PRKAR1B: variants seen among roughly 807,000 people sequenced by gnomAD.
The protein encoded by PRKAR1B is cAMP-dependent protein kinase type I-beta regulatory subunit.
Under a neutral mutation model 46.5 loss-of-function variants are expected in PRKAR1B, and 22 were observed. The observed-to-expected ratio is 0.47, with a 90% confidence interval of 0.34 to 0.68. The LOEUF is 0.68. PRKAR1B is among the 30% of genes least tolerant of loss of function. PRKAR1B has a pLI of 0.01. For synonymous variants in PRKAR1B, 259 were observed against 217.7 expected, an observed-to-expected ratio of 1.19 and a Z score of -1.67; for missense variants, 445 against 535.6, an observed-to-expected ratio of 0.83 and a Z score of 1.67.
At chr7:606,081 T>C (rs1453094639) in intron 6 of PRKAR1B, 112 bp downstream of exon 6, 1 of 967,148 alleles carries the variant, frequency 1.0e-6, no homozygotes, top group Admixed American at 1.9e-5. Flanking sequence ...ACACTAGGAA[T>C]ACGGCACTCA....
At chr7:635,617 C>T (rs1012044111) in intron 4 of PRKAR1B, among the ~76,000 whole-genome samples, 2 of 152,148 alleles carry the variant, frequency 1.3e-5, no homozygotes, top group African/African-American at 4.8e-5. Context: ...TCCGCTGCCT[C>T]CCAGGCCCTC....
chr7:611,769 A>ATGGATGG (rs1782506554), intron 4 of PRKAR1B, among the ~76,000 whole-genome samples: 4 of 149,954 alleles, frequency 2.7e-5, no homozygotes, highest in African/African-American at 9.8e-5. Flanking sequence ...TAGACGAATG[A>ATGGATGG]ATGGATGGAT....
At chr7:618,531 T>C (rs1213275709) in intron 4 of PRKAR1B, among the ~76,000 whole-genome samples, 3 of 152,320 alleles carry the variant, frequency 2.0e-5, no homozygotes, top group African/African-American at 4.8e-5. Context: ...GCAGATTTCA[T>C]GCTGTTTCTT....
intron 3 of PRKAR1B, among the ~76,000 whole-genome samples, chr7:679,917 G>T (rs925368963): frequency 6.6e-6 from 1 of 152,134 alleles, no homozygotes; most frequent in Non-Finnish European, 1.5e-5. Context: ...CCAGCACTTT[G>T]GGAGGCCAAG....
chr7:607,280 C>G, intron 5 of PRKAR1B, 111 bp downstream of exon 5: 2 of 1,036,954 alleles, frequency 1.9e-6, no homozygotes, highest in Middle Eastern at 6.2e-4. Flanking sequence ...TCCCAAAGTG[C>G]TGGGATTACA....
chr7:675,428 T>G (rs1407437100), intron 4 of PRKAR1B, among the ~76,000 whole-genome samples: 2 of 152,260 alleles, frequency 1.3e-5, no homozygotes, highest in Non-Finnish European at 2.9e-5. Flanking sequence ...ACTTTCTCTT[T>G]GTATTTTATA....
chr7:558,907 TG>T (rs879699809), intron 9 of PRKAR1B, among the ~76,000 whole-genome samples: 3 of 152,098 alleles, frequency 2.0e-5, no homozygotes, highest in Non-Finnish European at 4.4e-5. Context: ...ATCACAGAAC[TG>T]GGGGCAGACG....
intron 1 of PRKAR1B, among the ~76,000 whole-genome samples, chr7:724,179 AT>A (rs1781170095): frequency 6.6e-6 from 1 of 151,536 alleles, no homozygotes; most frequent in African/African-American, 2.4e-5. Flanking sequence ...TGCTCATGCT[AT>A]TTCCTCTCTC....
intron 4 of PRKAR1B, among the ~76,000 whole-genome samples, chr7:646,114 T>C (rs1245008409): frequency 6.6e-6 from 1 of 152,032 alleles, no homozygotes; most frequent in Non-Finnish European, 1.5e-5. Context: ...GGTGCAATCA[T>C]AGCTCACTGA....
intron 9 of PRKAR1B, among the ~76,000 whole-genome samples, chr7:559,826 A>G (rs1309904779): frequency 6.6e-6 from 1 of 152,198 alleles, no homozygotes; most frequent in African/African-American, 2.4e-5. Context: ...CTGTAATCCC[A>G]ATACTTTGGG....
At position 677,587 on chromosome 7, in the gene PRKAR1B, T is replaced by C. The variant is rs1778408241; in HGVS notation, c.349-267A>G. Among the ~76,000 whole-genome samples the C allele has an allele frequency of 2.0e-5, 3 of 152,188 alleles. No homozygotes were observed. In the South Asian group the frequency reaches 6.2e-4, roughly 32 times the overall value. On this transcript the variant is annotated intron_variant, in intron 3 of 10. Coordinates refer to ENST00000537384, the MANE Select transcript of PRKAR1B (RefSeq NM_001164760.2). ...GACCACAGGTATGCACCACCACACTTGGCTAACTTTTTTATTTTTAGTGGA... is the reference window on the plus strand; with the variant it reads ...GACCACAGGTATGCACCACCACACTCGGCTAACTTTTTTATTTTTAGTGGA...
intron 8 of PRKAR1B, among the ~76,000 whole-genome samples, chr7:583,614 A>G (rs1780406576): frequency 2.8e-5 from 2 of 72,240 alleles, no homozygotes; most frequent in Admixed American, 2.4e-4. Context: ...ACCCCCTCAC[A>G]CGTGCACACT....
intron 1 of PRKAR1B, chr7:712,575 G>A (rs1780713239): frequency 8.3e-6 from 1 of 120,738 alleles, no homozygotes; most frequent in South Asian, 2.8e-4. Context: ...CCGCCCGCGC[G>A]GGCCTGCAGC....
chr7:562,290 C>T (rs911943812), intron 9 of PRKAR1B, among the ~76,000 whole-genome samples: 2 of 113,334 alleles, frequency 1.8e-5, no homozygotes, highest in Non-Finnish European at 3.6e-5. Context: ...CCCCAGGCAC[C>T]TCTCAGGGTG....
chr7:652,875 G>A (rs1784985985), intron 4 of PRKAR1B, among the ~76,000 whole-genome samples: 1 of 152,192 alleles, frequency 6.6e-6, no homozygotes, highest in Non-Finnish European at 1.5e-5. Flanking sequence ...CTTCCTCATG[G>A]TTCTGTGGGT....
intron 4 of PRKAR1B, chr7:607,859 T>C (rs1782194991): frequency 5.0e-6 from 1 of 200,320 alleles, no homozygotes; most frequent in African/African-American, 2.4e-5. Context: ...ATTGTTTTCC[T>C]TTCAGGGAGA....
intron 4 of PRKAR1B, among the ~76,000 whole-genome samples, chr7:650,977 C>T (rs1478197875): frequency 1.3e-5 from 2 of 152,274 alleles, no homozygotes; most frequent in East Asian, 3.9e-4. Flanking sequence ...TCCTAAGCAT[C>T]ATCACCTCTC....
intron 9 of PRKAR1B, among the ~76,000 whole-genome samples, chr7:576,059 A>ACGCTGAAATCACGGCTGGGGT (rs1220207898): frequency 6.7e-6 from 1 of 150,232 alleles, no homozygotes; most frequent in Non-Finnish European, 1.5e-5. Context: ...GCAAATGTGC[A>ACGCTGAAATCACGGCTGGGGT]CACAGGCATC....
At chr7:691,192 C>T (rs951559623) in intron 2 of PRKAR1B, among the ~76,000 whole-genome samples, 3 of 151,510 alleles carry the variant, frequency 2.0e-5, no homozygotes, top group Non-Finnish European at 4.4e-5. Flanking sequence ...GCAAATCCTA[C>T]CCAAAGGGTC....
Sources: allele counts gnomAD v4.1 joint callset (sites outside exome capture counted in the v4.1 genomes callset), GRCh38; gene constraint gnomAD v4.1.1; transcripts MANE v1.5; gene names NCBI Gene and HGNC (gene_info 2026-07-23, HGNC 2026-07-21).